The following BBS9 variants were observed in gnomAD, a reference collection of about 807,000 sequenced individuals.
BBS9 encodes the protein protein PTHB1.
BBS9 carries 89 observed loss-of-function variants against 117.7 expected under a neutral mutation model. The ratio of observed to expected loss-of-function variants is 0.76; its 90% CI spans 0.64 to 0.90. The LOEUF (loss-of-function observed/expected upper bound fraction) is 0.90, where lower values mean the gene tolerates loss of function less well. Ranked by LOEUF, BBS9 falls within the 40% of genes least tolerant of loss-of-function variation. The pLI is 0.00. For synonymous variants in BBS9, 379 were observed against 370.9 expected, an observed-to-expected ratio of 1.02 and a Z score of -0.25; for missense variants, 982 against 1,042.2, an observed-to-expected ratio of 0.94 and a Z score of 0.80.
chr7:33,220,791 T>C (rs1369296498), intron 5 of BBS9, among the ~76,000 whole-genome samples: 2 of 152,236 alleles, frequency 1.3e-5, no homozygotes, highest in African/African-American at 4.8e-5. Context: ...TTCTCACATT[T>C]ACATGGAGTA....
intron 19 of BBS9, among the ~76,000 whole-genome samples, chr7:33,435,194 G>A (rs372847021): frequency 3.3e-5 from 5 of 152,238 alleles, no homozygotes; most frequent in Admixed American, 6.5e-5. Flanking sequence ...TGCATTGGTC[G>A]ATGTCTTACT....
At chr7:33,164,753 C>T (rs987618465) in intron 4 of BBS9, among the ~76,000 whole-genome samples, 27 of 152,124 alleles carry the variant, frequency 1.8e-4, no homozygotes, top group Middle Eastern at 6.3e-3. Context: ...CTCCTGAATA[C>T]AGTACACTGA....
chr7:33,241,164 G>A (rs775525005), intron 5 of BBS9, among the ~76,000 whole-genome samples: 10 of 152,048 alleles, frequency 6.6e-5, no homozygotes, highest in Non-Finnish European at 1.3e-4. Flanking sequence ...TTGCTTGGTG[G>A]CTATTGTGAA....
chr7:33,368,377 T>C (rs954443453), intron 17 of BBS9, among the ~76,000 whole-genome samples: 1 of 152,080 alleles, frequency 6.6e-6, no homozygotes, highest in Non-Finnish European at 1.5e-5. Context: ...ATAGTCAAGT[T>C]TGAATTTAAA....
chr7:33,344,673 A>G (rs774597711), intron 12 of BBS9, 39 bp downstream of exon 12: 5 of 1,576,116 alleles, frequency 3.2e-6, no homozygotes, highest in Admixed American at 3.3e-5. Flanking sequence ...TGCAAACAAT[A>G]TGATTTATTT....
In BBS9 at chr7:33,604,923, T is replaced by C. The variant is rs1864358167; in HGVS notation, c.2580T>C (p.Ser860=). ...AAGAAAGATCAGTAGAACAAGACTC[T>C]ACAGAACTGTTTACCAACCACAGAC... ...DLEERSVEQD[S]TELFTNHRHL... is the part of the protein sequence containing the mutation. The change falls in exon 22 of 23, where the codon TCT becomes TCC. Residue 860 remains serine, a synonymous_variant. Coordinates refer to ENST00000242067, the MANE Select transcript of BBS9 (RefSeq NM_198428.3). The C allele has an allele frequency of 6.2e-7, 1 of 1,613,740 alleles. No homozygotes were observed. The highest frequency in any genetic ancestry group is 8.5e-7 in the Non-Finnish European group (1 of 1,179,830).
At chr7:33,391,413 T>TAC (rs1246327582) in intron 19 of BBS9, among the ~76,000 whole-genome samples, 3 of 152,102 alleles carry the variant, frequency 2.0e-5, no homozygotes, top group Non-Finnish European at 4.4e-5. Context: ...GAGACACACA[T>TAC]ACACACATGC....
intron 19 of BBS9, among the ~76,000 whole-genome samples, chr7:33,403,892 C>T (rs1037518844): frequency 1.3e-5 from 2 of 152,154 alleles, no homozygotes; most frequent in African/African-American, 4.8e-5. Context: ...AATCGCCACA[C>T]CGACTTCCAC....
At chr7:33,280,824 G>C (rs1261720857) in intron 9 of BBS9, among the ~76,000 whole-genome samples, 4 of 148,856 alleles carry the variant, frequency 2.7e-5, no homozygotes, top group African/African-American at 9.9e-5. Flanking sequence ...ATTTTTTCTT[G>C]AAACCGAATT....
chr7:33,593,314 G>A (rs1386946207), intron 21 of BBS9, among the ~76,000 whole-genome samples: 17 of 152,048 alleles, frequency 1.1e-4, no homozygotes, highest in Admixed American at 8.5e-4. Flanking sequence ...CAATACTTTT[G>A]TATTCCTGTT....
intron 21 of BBS9, among the ~76,000 whole-genome samples, chr7:33,554,906 G>A (rs1321599183): frequency 6.6e-6 from 1 of 152,164 alleles, no homozygotes; most frequent in African/African-American, 2.4e-5. Flanking sequence ...CAAGGAATGA[G>A]AAAGAGGAAA....
intron 19 of BBS9, among the ~76,000 whole-genome samples, chr7:33,443,876 G>C (rs2128902774): frequency 6.6e-6 from 1 of 152,316 alleles, no homozygotes; most frequent in South Asian, 2.1e-4. Flanking sequence ...GAGTTTATGA[G>C]TTACCGAAAC....
intron 10 of BBS9, among the ~76,000 whole-genome samples, 167 bp from the exon 11 acceptor site, chr7:33,340,730 A>C (rs1414724590): frequency 2.6e-5 from 4 of 152,198 alleles, no homozygotes; most frequent in Admixed American, 2.6e-4. Flanking sequence ...TTATAGAGGG[A>C]AAGAATTAGC....
chr7:33,160,485 C>A (rs1019235740), intron 4 of BBS9, among the ~76,000 whole-genome samples: 1 of 152,172 alleles, frequency 6.6e-6, no homozygotes, highest in Non-Finnish European at 1.5e-5. Flanking sequence ...TGAATACACA[C>A]AATAGACCCT....
intron 21 of BBS9, 114 bp from the exon 22 acceptor site, chr7:33,604,751 T>C (rs1864320211): frequency 1.3e-6 from 1 of 789,948 alleles, no homozygotes; most frequent in African/African-American, 1.7e-5. Flanking sequence ...CTGAAGATTG[T>C]TGTCACGTCA....
At chr7:33,598,983 A>G (rs1204896449) in intron 21 of BBS9, among the ~76,000 whole-genome samples, 1 of 152,174 alleles carries the variant, frequency 6.6e-6, no homozygotes, top group Non-Finnish European at 1.5e-5. Context: ...ATTCACATTT[A>G]TGTATTGACT....
chr7:33,269,975 A>G (rs1799501477), intron 7 of BBS9, among the ~76,000 whole-genome samples: 1 of 149,804 alleles, frequency 6.7e-6, no homozygotes, highest in Admixed American at 6.7e-5. Context: ...GTGAGCTGAG[A>G]TAGCTTCACT....
At chr7:33,139,338 A>G (rs900160320) in intron 1 of BBS9, among the ~76,000 whole-genome samples, 5 of 151,234 alleles carry the variant, frequency 3.3e-5, no homozygotes, top group Non-Finnish European at 5.9e-5. Flanking sequence ...ATTTGTAGAC[A>G]TTGTTGGAAA....
At chr7:33,331,091 CCAGGGATG>C (rs1233790719) in intron 9 of BBS9, among the ~76,000 whole-genome samples, 4 of 152,132 alleles carry the variant, frequency 2.6e-5, no homozygotes, top group Non-Finnish European at 5.9e-5. Context: ...GGGTTTCATT[CCAGGGATG>C]CAGGGATGAT....
Sources: gnomAD v4.1 joint callset for allele counts (sites outside exome capture counted in the v4.1 genomes callset) on GRCh38, gnomAD v4.1.1 for gene constraint, MANE v1.5 for transcripts, NCBI Gene and HGNC (gene_info 2026-07-23, HGNC 2026-07-21) for gene names.